Variants in XPO4 observed in about 807,000 individuals in gnomAD.
XPO4 encodes exportin-4.
In XPO4, 39 loss-of-function variants were observed where a neutral mutation model predicts 143.0. The ratio of observed to expected loss-of-function variants is 0.27; its 90% confidence interval spans 0.21 to 0.36. The LOEUF (loss-of-function observed/expected upper bound fraction) is 0.36, where lower values mean the gene tolerates loss of function less well. Among genes scored for constraint, XPO4 ranks in the 10% least tolerant of loss-of-function variants. XPO4 has a pLI of 1.00. For missense variants in XPO4, 907 were observed against 1,348.0 expected, an observed-to-expected ratio of 0.67 and a Z score of 5.12; for synonymous variants, 439 against 474.0, an observed-to-expected ratio of 0.93 and a Z score of 0.96.
chr13:20,861,857 C>T (rs1245762254), intron 3 of XPO4, among the ~76,000 whole-genome samples: 3 of 133,928 alleles, frequency 2.2e-5, no homozygotes, highest in Non-Finnish European at 3.1e-5. Flanking sequence ...GCAATGATCT[C>T]GGCTCACTGC....
chr13:20,874,034 T>TA (rs2060328771), intron 1 of XPO4, among the ~76,000 whole-genome samples: 1 of 152,186 alleles, frequency 6.6e-6, no homozygotes. Flanking sequence ...ATGACAAAGT[T>TA]AGTAAGTATC....
At position 20,781,856 on chromosome 13, in the gene XPO4, T is replaced by C. The variant is rs780811583; in HGVS notation, c.*1866A>G. The C allele has an allele frequency of 5.9e-5, 9 of 152,000 alleles. No individual in the cohort carries two copies. The highest frequency in any genetic ancestry group is 1.3e-4 in the Non-Finnish European group (9 of 67,990). 9.4% of individuals were successfully genotyped at this position (152,000 alleles called of 1,614,324 possible). On this transcript the variant is annotated 3_prime_UTR_variant, in exon 23 of 23. Transcript: ENST00000255305. ...CCAAGAACAATGCAAAACAAATAGA[T>C]TACTGCTGCATATCACTTCAAGTTT...
chr13:20,886,826 C>T (rs893112205), intron 1 of XPO4, among the ~76,000 whole-genome samples: 1 of 152,142 alleles, frequency 6.6e-6, no homozygotes, highest in African/African-American at 2.4e-5. Context: ...GTAATCCCAG[C>T]ACTTTGGGAG....
intron 7 of XPO4, among the ~76,000 whole-genome samples, chr13:20,823,743 C>G (rs549364487): frequency 3.3e-5 from 5 of 152,286 alleles, no homozygotes; most frequent in African/African-American, 9.6e-5. Context: ...CCTCCGCCTC[C>G]CGGGTTCAAG....
intron 3 of XPO4, 50 bp from the exon 4 acceptor site, chr13:20,855,815 G>A: frequency 6.6e-7 from 1 of 1,515,876 alleles, no homozygotes; most frequent in South Asian, 1.3e-5. Context: ...TCTAATACAA[G>A]AATACTCCCA....
At chr13:20,800,767 G>C in intron 14 of XPO4, 64 bp downstream of exon 14, 3 of 1,562,376 alleles carry the variant, frequency 1.9e-6, no homozygotes, top group Non-Finnish European at 2.6e-6. Flanking sequence ...CAAGAAAAAT[G>C]TTCCTGCTTC....
At chr13:20,828,067 T>A (rs1253550689) in intron 6 of XPO4, among the ~76,000 whole-genome samples, 1 of 152,090 alleles carries the variant, frequency 6.6e-6, no homozygotes, top group Non-Finnish European at 1.5e-5. Context: ...GTGAAACCCA[T>A]CTCTACTAAA....
chr13:20,900,773 G>A (rs1456233909), intron 1 of XPO4, among the ~76,000 whole-genome samples: 2 of 148,218 alleles, frequency 1.3e-5, no homozygotes, highest in African/African-American at 2.4e-5. Context: ...CATCACGCCC[G>A]GCTAATTTTT....
intron 3 of XPO4, chr13:20,856,413 C>A (rs923692669): frequency 4.4e-5 from 41 of 936,126 alleles, no homozygotes; most frequent in Non-Finnish European, 5.0e-5. Flanking sequence ...TTTTACCAAG[C>A]CCATTTGACC....
chr13:20,893,560 A>G (rs1595170915), intron 1 of XPO4, among the ~76,000 whole-genome samples: 1 of 152,236 alleles, frequency 6.6e-6, no homozygotes, highest in Non-Finnish European at 1.5e-5. Context: ...CAACATGGTG[A>G]AACTCCCTCA....
At chr13:20,856,910 C>G in intron 3 of XPO4, 1 of 985,440 alleles carries the variant, frequency 1.0e-6, no homozygotes, top group Non-Finnish European at 1.2e-6. Flanking sequence ...CAGGACATAT[C>G]TGTTACTACT....
chr13:20,867,118 A>AT (rs1312049249), intron 2 of XPO4, among the ~76,000 whole-genome samples: 1 of 152,252 alleles, frequency 6.6e-6, no homozygotes, highest in Non-Finnish European at 1.5e-5. Flanking sequence ...TTCCTTTAAC[A>AT]TTGAGTTAAA....
At chr13:20,891,121 TTAAAAAAAAAA>T (rs2060511630) in intron 1 of XPO4, among the ~76,000 whole-genome samples, 3 of 86,032 alleles carry the variant, frequency 3.5e-5, no homozygotes, top group Middle Eastern at 8.2e-3. Flanking sequence ...CCATCTCAAT[TTAAAAAAAAAA>T]AAAAAAAAAA....
chr13:20,808,806 G>A (rs1377699963), intron 11 of XPO4, among the ~76,000 whole-genome samples: 1 of 152,084 alleles, frequency 6.6e-6, no homozygotes, highest in Non-Finnish European at 1.5e-5. Context: ...GTTTACAACA[G>A]GCATTTGAAA....
At position 20,830,814 on chromosome 13, in the gene XPO4, T is replaced by C. The variant is rs184000830; in HGVS notation, c.728-3635A>G. ...CCCGAATAACAGACTATGCTGGCTT[T>C]TATATGGGAGAAAGGCTTACTATGC... On this transcript the variant is annotated intron_variant, in intron 6 of 22. Transcript: ENST00000255305. Among the ~76,000 whole-genome samples the C allele has an allele frequency of 3.6e-3, 549 of 152,246 alleles. 8 individuals are homozygous for C. Among genetic ancestry groups the C allele is most frequent in the African/African-American group, 0.013 (523 of 41,562 alleles).
intron 1 of XPO4, among the ~76,000 whole-genome samples, chr13:20,878,760 A>G (rs2060378453): frequency 1.3e-5 from 2 of 152,222 alleles, no homozygotes; most frequent in South Asian, 2.1e-4. Flanking sequence ...GGCTTCAATT[A>G]TATCTGTGAT....
chr13:20,833,732 C>T (rs973194138), intron 6 of XPO4, among the ~76,000 whole-genome samples: 1 of 151,868 alleles, frequency 6.6e-6, no homozygotes, highest in Admixed American at 6.6e-5. Context: ...GAGAAAATAG[C>T]AAAAGAAAGC....
chr13:20,844,015 A>G (rs1416359346), intron 4 of XPO4, 129 bp from the exon 5 acceptor site: 12 of 692,142 alleles, frequency 1.7e-5, no homozygotes, highest in East Asian at 5.1e-5. Flanking sequence ...TTTAGATCTT[A>G]TAACAACTAG....
chr13:20,827,621 A>G (rs1821617069), intron 6 of XPO4, among the ~76,000 whole-genome samples: 1 of 152,182 alleles, frequency 6.6e-6, no homozygotes, highest in Non-Finnish European at 1.5e-5. Flanking sequence ...GAAAAATAGC[A>G]TTTTTCCAGA....
Sources: allele counts gnomAD v4.1 joint callset (sites outside exome capture counted in the v4.1 genomes callset), GRCh38; gene constraint gnomAD v4.1.1; transcripts MANE v1.5; gene names NCBI Gene and HGNC (gene_info 2026-07-23, HGNC 2026-07-21).